TENM2: variants seen among roughly 807,000 people sequenced by gnomAD.
TENM2 encodes teneurin-2.
TENM2 carries 52 observed loss-of-function variants against 245.2 expected under a neutral mutation model. The ratio of observed to expected loss-of-function variants is 0.21; its 90% CI spans 0.17 to 0.27. The LOEUF (loss-of-function observed/expected upper bound fraction) is 0.27. TENM2 is among the 10% of genes least tolerant of loss of function. The probability of loss-of-function intolerance (pLI) is 1.00; values close to 1 mark genes in which losing one functional copy is unlikely to be tolerated. For missense variants in TENM2, 3,046 were observed against 3,666.8 expected (o/e 0.83, Z 4.37); for synonymous variants, 1,363 against 1,438.9 (o/e 0.95, Z 1.19).
At position 168,244,635 on chromosome 5, in the gene TENM2, G is replaced by A. The variant is rs777322580; in HGVS notation, c.5736G>A (p.Arg1912=). The A allele has an allele frequency of 3.8e-6, 6 of 1,572,076 alleles. No individual in the cohort carries two copies. In the South Asian group the frequency reaches 6.9e-5, roughly 18 times the overall value. ...TTCAGCGTGGGGCCATGAGCGAGAG[G>A]ACAGACATCGACAAGCAAGGCCGCA... is the stretch of plus-strand genomic sequence containing the variant. Residue 1912 remains arginine (R), a synonymous_variant, in exon 26 of 29, where the codon AGG becomes AGA. Coordinates refer to ENST00000518659, the Ensembl canonical transcript of TENM2. The surrounding 1 kb of genome is among the most constrained non-coding windows in gnomAD (Gnocchi z 4.9).
At chr5:167,607,711 T>C (rs1777156194) in intron 2 of TENM2, among the ~76,000 whole-genome samples, 1 of 152,216 alleles carries the variant, frequency 6.6e-6, no homozygotes, top group African/African-American at 2.4e-5. Context: ...ACGATAGTCA[T>C]TCATGCTATC....
chr5:167,872,564 A>G (rs1183518442), intron 2 of TENM2, among the ~76,000 whole-genome samples: 1 of 45,428 alleles, frequency 2.2e-5, no homozygotes, highest in Non-Finnish European at 8.2e-5. Context: ...GAAAGAAAGA[A>G]AGAAAGAAAG....
the TENM2 span, among the ~76,000 whole-genome samples, chr5:167,222,044 A>G: frequency 3.9e-5 from 6 of 152,320 alleles, no homozygotes; most frequent in African/African-American, 1.4e-4. Context: ...AATAAATACT[A>G]TTTATCCCAG....
chr5:167,220,860 T>C, the TENM2 span, among the ~76,000 whole-genome samples: 24 of 152,002 alleles, frequency 1.6e-4, no homozygotes, highest in African/African-American at 5.8e-4. Flanking sequence ...AGTCTCACTC[T>C]GTTGCACCCA....
At chr5:168,148,722 CA>C (rs1246927505) in intron 12 of TENM2, among the ~76,000 whole-genome samples, 1 of 151,990 alleles carries the variant, frequency 6.6e-6, no homozygotes, top group African/African-American at 2.4e-5. Flanking sequence ...TGCTTCTGTA[CA>C]AGGTAAAAAG....
chr5:167,130,962 G>A, the TENM2 span, among the ~76,000 whole-genome samples: 1 of 131,586 alleles, frequency 7.6e-6, no homozygotes, highest in East Asian at 2.2e-4. Context: ...TAGCCTGTGT[G>A]TTGGTTAGCT....
chr5:167,746,635 C>T (rs1342951473), intron 2 of TENM2, among the ~76,000 whole-genome samples: 7 of 143,114 alleles, frequency 4.9e-5, no homozygotes, highest in African/African-American at 1.5e-4. Flanking sequence ...TACCTTTTTC[C>T]TTTTTCAGTT....
the TENM2 span, among the ~76,000 whole-genome samples, chr5:167,139,265 T>G: frequency 6.6e-6 from 1 of 152,228 alleles, no homozygotes; most frequent in Non-Finnish European, 1.5e-5. Flanking sequence ...CTTGAACTAC[T>G]TACGTGTCAA....
rs541975648 is a variant in TENM2, at chr5:167,784,206, G to C, written c.503-91780G>C. On this transcript the variant is annotated intron_variant, in intron 2 of 28. Coordinates refer to ENST00000518659, the Ensembl canonical transcript of TENM2. ...TGTCATTAATGAGTTTTTAGACTTT[G>C]GAAAAATTGCTTAATCTCTGCAGCT... 3.9e-5 allele frequency among the ~76,000 whole-genome samples: 6 copies of C among 152,228 alleles called. No homozygotes were observed. In the East Asian group the frequency reaches 9.7e-4, roughly 25 times the overall value.
chr5:167,288,008 CT>C (rs1318767977), intron 1 of TENM2, among the ~76,000 whole-genome samples: 3 of 152,126 alleles, frequency 2.0e-5, no homozygotes, highest in African/African-American at 7.2e-5. Context: ...ATAGATGCCA[CT>C]TTGAATAATG....
At chr5:167,828,986 T>C (rs531768094) in intron 2 of TENM2, among the ~76,000 whole-genome samples, 1 of 152,320 alleles carries the variant, frequency 6.6e-6, no homozygotes, top group African/African-American at 2.4e-5. Flanking sequence ...TCGCCTATGT[T>C]GATAGCATCT....
At chr5:168,099,640 A>G (rs1405154173) in intron 9 of TENM2, among the ~76,000 whole-genome samples, 1 of 152,228 alleles carries the variant, frequency 6.6e-6, no homozygotes, top group Non-Finnish European at 1.5e-5. Flanking sequence ...AATCATTAAT[A>G]AAGCTGCTCT....
intron 25 of TENM2, among the ~76,000 whole-genome samples, chr5:168,243,530 T>C (rs1766287326): frequency 6.6e-6 from 1 of 152,150 alleles, no homozygotes; most frequent in African/African-American, 2.4e-5. Context: ...AAAATATGGA[T>C]TTCTAAGCCC....
intron 2 of TENM2, among the ~76,000 whole-genome samples, chr5:167,654,559 G>A (rs73801316): frequency 0.029 from 4,339 of 151,180 alleles, 225 homozygotes; most frequent in African/African-American, 0.1. Context: ...CATTTTCTTT[G>A]CTATTATACT....
chr5:167,437,925 G>T (rs72829353), intron 2 of TENM2, among the ~76,000 whole-genome samples: 14,453 of 152,126 alleles, frequency 0.095, 1,320 homozygotes, highest in African/African-American at 0.24. Flanking sequence ...CTTGGATATC[G>T]TTATTAGCAG....
the TENM2 span, among the ~76,000 whole-genome samples, chr5:167,027,565 C>T: frequency 6.6e-6 from 1 of 151,826 alleles, no homozygotes; most frequent in Non-Finnish European, 1.5e-5. Flanking sequence ...TATAGATCAT[C>T]GTGTATTATT....
chr5:167,073,393 CT>C, the TENM2 span, among the ~76,000 whole-genome samples: 1 of 152,164 alleles, frequency 6.6e-6, no homozygotes, highest in Non-Finnish European at 1.5e-5. Context: ...GTGTTTTGCT[CT>C]GCCTCAAGTT....
At chr5:167,926,785 T>G (rs968477432) in intron 3 of TENM2, among the ~76,000 whole-genome samples, 14 of 149,488 alleles carry the variant, frequency 9.4e-5, no homozygotes, top group African/African-American at 3.4e-4. Context: ...GTCTTAGCGA[T>G]GGGAGTTTTC....
chr5:168,033,976 A>G (rs1202829575), intron 5 of TENM2, among the ~76,000 whole-genome samples: 1 of 150,896 alleles, frequency 6.6e-6, no homozygotes, highest in Non-Finnish European at 1.5e-5. Context: ...ACAGTGAGCC[A>G]AGATCGCCCC....
Sources: allele counts gnomAD v4.1 joint callset (sites outside exome capture counted in the v4.1 genomes callset), GRCh38; gene constraint gnomAD v4.1.1; non-coding constraint Gnocchi (gnomAD v3.1); transcripts MANE v1.5; gene names NCBI Gene and HGNC (gene_info 2026-07-23, HGNC 2026-07-21).